ADAMTSL3: variants seen among roughly 807,000 people sequenced by gnomAD.
ADAMTSL3 encodes the protein ADAMTS-like protein 3.
Under a neutral mutation model 201.7 loss-of-function variants are expected in ADAMTSL3, and 128 were observed. That is an observed-to-expected ratio of 0.63 (90% confidence interval 0.55 to 0.73). The LOEUF (loss-of-function observed/expected upper bound fraction) is 0.73, where lower values mean the gene tolerates loss of function less well. Among genes scored for constraint, ADAMTSL3 ranks in the 30% least tolerant of loss-of-function variants. ADAMTSL3 has a pLI of 0.00. For missense variants in ADAMTSL3, 1,990 were observed against 2,119.6 expected (o/e 0.94, Z 1.20); for synonymous variants, 738 against 748.4 (o/e 0.99, Z 0.23).
intron 9 of ADAMTSL3, among the ~76,000 whole-genome samples, chr15:83,881,060 TA>T (rs2065260852): frequency 6.6e-6 from 1 of 152,242 alleles, no homozygotes; most frequent in African/African-American, 2.4e-5. Flanking sequence ...AAATCCCCTT[TA>T]AAAATTATTA....
At position 83,983,117 on chromosome 15, in the gene ADAMTSL3, T is replaced by G. The variant is rs1389620683; in HGVS notation, c.3489T>G (p.His1163Gln). ...CAGGGAGTGTGTCCCAAAGCTCGCA[T>G]GCAAAAAACTCAGGCAAGCTGACAT... ...GETGSVSQSS[H>Q]AKNSGKLTFK... Residue 1163 changes from histidine to glutamine, a missense_variant, in exon 21 of 30, where the codon CAT (histidine) becomes CAG (glutamine). By Grantham distance (24) the His-to-Gln change is conservative. Transcript: ENST00000286744. 11 of 1,613,858 alleles carry G rather than the reference T, an allele frequency of 6.8e-6. No individual in the cohort carries two copies. The highest frequency in any genetic ancestry group is 9.3e-6 in the Non-Finnish European group (11 of 1,179,942).
At chr15:83,753,869 A>G (rs192003300) in intron 3 of ADAMTSL3, among the ~76,000 whole-genome samples, 43 of 152,344 alleles carry the variant, frequency 2.8e-4, no homozygotes, top group Non-Finnish European at 2.5e-4. Flanking sequence ...ATTTTGCTCT[A>G]ATGTGATAAA....
At chr15:83,688,517 C>CTT (rs35692526) in intron 2 of ADAMTSL3, among the ~76,000 whole-genome samples, 30 of 147,960 alleles carry the variant, frequency 2.0e-4, no homozygotes, top group East Asian at 1.4e-3. Flanking sequence ...ATAACAGACT[C>CTT]TTTTTTTTTT....
intron 3 of ADAMTSL3, among the ~76,000 whole-genome samples, chr15:83,771,068 G>C (rs963690): frequency 0.78 from 118,786 of 151,980 alleles, 47,376 homozygotes; most frequent in East Asian, 0.98. Flanking sequence ...GAGCCTCTAT[G>C]TCAAAAACAA....
chr15:83,899,116 G>A (rs1392837893), intron 14 of ADAMTSL3, among the ~76,000 whole-genome samples: 1 of 152,108 alleles, frequency 6.6e-6, no homozygotes, highest in African/African-American at 2.4e-5. Flanking sequence ...ACAGGAAGGG[G>A]GGCAACAGTT....
chr15:83,729,616 A>G (rs1395895389), intron 3 of ADAMTSL3, among the ~76,000 whole-genome samples: 2 of 151,554 alleles, frequency 1.3e-5, no homozygotes, highest in Non-Finnish European at 2.9e-5. Flanking sequence ...AAATATGTCA[A>G]TCTCTTTGTT....
At chr15:83,883,189 T>TTTTC (rs2065311881) in intron 9 of ADAMTSL3, among the ~76,000 whole-genome samples, 3 of 147,820 alleles carry the variant, frequency 2.0e-5, no homozygotes, top group African/African-American at 7.4e-5. Flanking sequence ...ATTTTATTTT[T>TTTTC]TGAGATGCAG....
chr15:83,902,437 A>AT (rs2065745193), intron 15 of ADAMTSL3, among the ~76,000 whole-genome samples: 1 of 151,914 alleles, frequency 6.6e-6, no homozygotes, highest in South Asian at 2.1e-4. Context: ...TGTCAGGCTA[A>AT]TTTTTTGTAT....
chr15:83,673,020 C>T lies in ADAMTSL3; in HGVS notation c.69+17190C>T, dbSNP rs1171185620. Among the ~76,000 whole-genome samples the T allele has an allele frequency of 2.6e-5, 4 of 152,216 alleles. No homozygotes were observed. In the East Asian group the frequency reaches 5.8e-4, roughly 22 times the overall value. On this transcript the variant is annotated intron_variant, in intron 2 of 29. Transcript: ENST00000286744. ...ATGCTGCACCCTCTGTAAATCCTTTCTGGGATGCATTAGCAGCTTCCATTG... is the reference window on the plus strand; with the variant it reads ...ATGCTGCACCCTCTGTAAATCCTTTTTGGGATGCATTAGCAGCTTCCATTG...
At chr15:83,843,445 A>G (rs2064426270) in intron 7 of ADAMTSL3, among the ~76,000 whole-genome samples, 1 of 152,164 alleles carries the variant, frequency 6.6e-6, no homozygotes, top group South Asian at 2.1e-4. Flanking sequence ...GTCCTTCACC[A>G]TCTTGATTCT....
chr15:83,962,444 T>G (rs2066990884), intron 19 of ADAMTSL3: 2 of 152,186 alleles, frequency 1.3e-5, no homozygotes, highest in Non-Finnish European at 2.9e-5. Context: ...TTAATCTTCT[T>G]TATTAACTTT....
intron 23 of ADAMTSL3, among the ~76,000 whole-genome samples, chr15:84,010,504 C>T (rs989698694): frequency 4.6e-5 from 7 of 152,180 alleles, no homozygotes; most frequent in Admixed American, 1.3e-4. Flanking sequence ...ATGCATTCAG[C>T]AAACATTCAC....
intron 3 of ADAMTSL3, among the ~76,000 whole-genome samples, chr15:83,721,851 G>A (rs376674526): frequency 1.3e-5 from 2 of 152,108 alleles, no homozygotes; most frequent in African/African-American, 4.8e-5. Flanking sequence ...TCCTACTTCA[G>A]CCTCCTGAGT....
intron 8 of ADAMTSL3, among the ~76,000 whole-genome samples, chr15:83,866,441 G>A (rs1190041414): frequency 6.6e-6 from 1 of 152,182 alleles, no homozygotes; most frequent in Admixed American, 6.5e-5. Context: ...AAAAAAGGAT[G>A]AGTTCATGTC....
In ADAMTSL3 at chr15:83,911,456, G is replaced by A. The variant is rs573407937; in HGVS notation, c.1701-1636G>A. On this transcript the variant is annotated intron_variant, in intron 15 of 29. Transcript: ENST00000286744. ...AATGACTACATATTATTACACTGTCGGGATTTCTCGTCTTTAACCAGTCTC... is the reference window on the plus strand; with the variant it reads ...AATGACTACATATTATTACACTGTCAGGATTTCTCGTCTTTAACCAGTCTC... Among the ~76,000 whole-genome samples, 144 of 152,128 alleles carry A rather than the reference G, an allele frequency of 9.5e-4. 1 individual carries two copies. Among genetic ancestry groups the A allele is most frequent in the Non-Finnish European group, 1.5e-3 (99 of 68,014 alleles).
chr15:84,039,275 A>C lies in ADAMTSL3; in HGVS notation c.*1469A>C, dbSNP rs2068563479. On this transcript the variant is annotated 3_prime_UTR_variant, in exon 30 of 30. Coordinates refer to ENST00000286744, the MANE Select transcript of ADAMTSL3 (RefSeq NM_207517.3). ...CTGAGCCTAGTTCCTGGTCAGTAAT[A>C]ACTGAACAGTGCATTTTGGCTTTGG... 1 of 152,616 alleles carries C rather than the reference A, an allele frequency of 6.6e-6. No individual in the cohort carries two copies. Among genetic ancestry groups the C allele is most frequent in the African/African-American group, 2.4e-5 (1 of 41,436 alleles). The allele number at this position is 152,616 out of a possible 1,614,324, so 9.5% of individuals were successfully genotyped here. A position where few individuals can be genotyped will look rare whatever the true frequency, so the allele number is the denominator to read the frequency against.
chr15:83,892,320 A>G (rs1317154004), intron 12 of ADAMTSL3, among the ~76,000 whole-genome samples: 2 of 152,142 alleles, frequency 1.3e-5, no homozygotes, highest in South Asian at 2.1e-4. Context: ...TCACGAGGTC[A>G]GGAGTTCTAG....
chr15:83,863,762 A>T (rs1475589136), intron 8 of ADAMTSL3, among the ~76,000 whole-genome samples: 1 of 152,214 alleles, frequency 6.6e-6, no homozygotes, highest in Non-Finnish European at 1.5e-5. Flanking sequence ...AATAACTAAG[A>T]TCAGAGCAGA....
chr15:83,664,352 A>T (rs557903371), intron 2 of ADAMTSL3, among the ~76,000 whole-genome samples: 1 of 152,138 alleles, frequency 6.6e-6, no homozygotes, highest in South Asian at 2.1e-4. Flanking sequence ...TGCCTCTTCA[A>T]TGAGCTGCAG....
Sources: gnomAD v4.1 joint callset for allele counts (sites outside exome capture counted in the v4.1 genomes callset) on GRCh38, gnomAD v4.1.1 for gene constraint, MANE v1.5 for transcripts, NCBI Gene and HGNC (gene_info 2026-07-23, HGNC 2026-07-21) for gene names.